The following TMEM132B variants were observed in gnomAD, a reference collection of about 807,000 sequenced individuals.
The protein encoded by TMEM132B is transmembrane protein 132B.
In TMEM132B, 18 loss-of-function variants were observed where a neutral mutation model predicts 90.8. The observed-to-expected ratio is 0.20, with a 90% CI of 0.14 to 0.29. The LOEUF is 0.29. TMEM132B is among the 10% of genes least tolerant of loss of function. The pLI is 1.00. For missense variants in TMEM132B, 1,096 were observed against 1,326.8 expected (o/e 0.83, Z 2.70); for synonymous variants, 504 against 523.3 (o/e 0.96, Z 0.50).
chr12:125,242,531 G>C (rs760540236), intron 1 of TMEM132B, among the ~76,000 whole-genome samples: 3 of 152,190 alleles, frequency 2.0e-5, no homozygotes, highest in Non-Finnish European at 4.4e-5. Flanking sequence ...AACCACTCCA[G>C]AACTAAGCTG....
chr12:125,364,611 C>A (rs1391768753), intron 2 of TMEM132B, among the ~76,000 whole-genome samples: 1 of 152,110 alleles, frequency 6.6e-6, no homozygotes, highest in Non-Finnish European at 1.5e-5. Flanking sequence ...ACCATTGTAA[C>A]AATGTTGGGT....
At chr12:125,515,511 G>T (rs990119587) in intron 3 of TMEM132B, among the ~76,000 whole-genome samples, 5 of 146,390 alleles carry the variant, frequency 3.4e-5, no homozygotes, top group Admixed American at 2.7e-4. Context: ...TGACACATTC[G>T]CTCACACCCC....
At chr12:125,529,081 C>T (rs934136360) in intron 4 of TMEM132B, among the ~76,000 whole-genome samples, 3 of 150,612 alleles carry the variant, frequency 2.0e-5, no homozygotes, top group Non-Finnish European at 3.0e-5. Flanking sequence ...TCCTTCTCCT[C>T]CTTCCTCTTC....
At chr12:125,400,510 C>G (rs1351929639) in intron 2 of TMEM132B, among the ~76,000 whole-genome samples, 2 of 152,200 alleles carry the variant, frequency 1.3e-5, no homozygotes, top group South Asian at 2.1e-4. Flanking sequence ...GTTTCCAGCC[C>G]CCTGGACAGG....
At chr12:125,443,271 G>A (rs1371329214) in intron 3 of TMEM132B, among the ~76,000 whole-genome samples, 1 of 152,202 alleles carries the variant, frequency 6.6e-6, no homozygotes, top group Non-Finnish European at 1.5e-5. Flanking sequence ...TTCAGGAGAA[G>A]ATCACCATCG....
intron 3 of TMEM132B, among the ~76,000 whole-genome samples, chr12:125,493,387 TG>T (rs1348074524): frequency 6.6e-6 from 1 of 152,120 alleles, no homozygotes; most frequent in Non-Finnish European, 1.5e-5. Context: ...AAAGGGGATA[TG>T]GGGAAATGTA....
chr12:125,314,720 A>G (rs1453225759), intron 1 of TMEM132B, among the ~76,000 whole-genome samples: 2 of 152,166 alleles, frequency 1.3e-5, no homozygotes, highest in African/African-American at 2.4e-5. Context: ...TTTTTCAGCT[A>G]AGTCTGAGGG....
At chr12:125,312,838 A>G (rs953079783) in intron 1 of TMEM132B, among the ~76,000 whole-genome samples, 1 of 152,082 alleles carries the variant, frequency 6.6e-6, no homozygotes, top group Admixed American at 6.5e-5. Flanking sequence ...AGGAGTTATG[A>G]AAGGACACAG....
chr12:125,606,726 C>T (rs1204474523), intron 5 of TMEM132B, among the ~76,000 whole-genome samples: 3 of 152,218 alleles, frequency 2.0e-5, no homozygotes, highest in Non-Finnish European at 4.4e-5. Context: ...GACCTCCTGC[C>T]TCCTCCTCAG....
intron 3 of TMEM132B, among the ~76,000 whole-genome samples, chr12:125,497,302 T>C (rs534014511): frequency 8.5e-5 from 13 of 152,368 alleles, no homozygotes; most frequent in African/African-American, 3.1e-4. Flanking sequence ...AACTGAAGGA[T>C]GCCATTCAAT....
chr12:125,297,645 A>G (rs568004046), intron 1 of TMEM132B, among the ~76,000 whole-genome samples: 3 of 152,340 alleles, frequency 2.0e-5, no homozygotes, highest in East Asian at 3.9e-4. Context: ...TGAGATGCTC[A>G]AGGGTGAGGT....
chr12:125,631,465 G>A lies in TMEM132B; in HGVS notation c.1438-12611G>A, dbSNP rs11531107. Among the ~76,000 whole-genome samples, 24 of 152,254 alleles carry A rather than the reference G, an allele frequency of 1.6e-4. 1 individual carries two copies. In the East Asian group the frequency reaches 4.2e-3, roughly 27 times the overall value. On this transcript the variant is annotated intron_variant, in intron 5 of 8. Transcript: ENST00000682704. The stretch of plus-strand genomic sequence containing the variant: ...TCAGGAGAAGAATGTATATTCTGCA[G>A]GCTTTGGATAAAATGTTCTGTAAAT...
intron 3 of TMEM132B, among the ~76,000 whole-genome samples, chr12:125,436,782 C>T (rs1880718257): frequency 1.3e-5 from 2 of 152,294 alleles, no homozygotes; most frequent in Non-Finnish European, 2.9e-5. Context: ...AATCCACTTG[C>T]CTTCATCTTT....
chr12:125,391,983 C>T (rs1029799318), intron 2 of TMEM132B, among the ~76,000 whole-genome samples: 1 of 152,116 alleles, frequency 6.6e-6, no homozygotes, highest in African/African-American at 2.4e-5. Context: ...CCAGGCTGGT[C>T]TCCCAACTCC....
chr12:125,326,414 A>G, intron 1 of TMEM132B: 1 of 625,834 alleles, frequency 1.6e-6, no homozygotes, highest in Non-Finnish European at 2.9e-6. Flanking sequence ...TGAAAAAGTC[A>G]CTTGCCCTCC....
intron 3 of TMEM132B, among the ~76,000 whole-genome samples, chr12:125,502,040 G>A (rs1882712830): frequency 6.6e-6 from 1 of 152,196 alleles, no homozygotes; most frequent in South Asian, 2.1e-4. Context: ...GAATGCATGT[G>A]TGTGCCCATG....
At chr12:125,341,219 C>G (rs565528875) in intron 1 of TMEM132B, among the ~76,000 whole-genome samples, 30 of 152,348 alleles carry the variant, frequency 2.0e-4, no homozygotes, top group African/African-American at 7.0e-4. Context: ...CTGCCACTTA[C>G]TAGCTGTGTG....
intron 6 of TMEM132B, among the ~76,000 whole-genome samples, chr12:125,645,020 A>G (rs1158971158): frequency 1.3e-5 from 2 of 151,826 alleles, no homozygotes; most frequent in Non-Finnish European, 2.9e-5. Context: ...GATCGACACC[A>G]TCCTGGCTAA....
intron 5 of TMEM132B, among the ~76,000 whole-genome samples, chr12:125,617,545 A>G (rs546728430): frequency 4.6e-5 from 7 of 152,154 alleles, no homozygotes; most frequent in Non-Finnish European, 1.5e-5. Flanking sequence ...GGGTTTCTCC[A>G]TGTTGATCAA....
Sources: gnomAD v4.1 joint callset for allele counts (sites outside exome capture counted in the v4.1 genomes callset) on GRCh38, gnomAD v4.1.1 for gene constraint, MANE v1.5 for transcripts, NCBI Gene and HGNC (gene_info 2026-07-23, HGNC 2026-07-21) for gene names.